Variants in DSCAM observed in about 807,000 individuals in gnomAD.
DSCAM encodes the protein cell adhesion molecule DSCAM.
A neutral mutation model predicts 217.7 loss-of-function variants in DSCAM; 47 were observed. That is an observed-to-expected ratio of 0.22 (90% CI 0.17 to 0.28). DSCAM has a LOEUF of 0.28. DSCAM is among the 10% of genes least tolerant of loss of function. DSCAM has a pLI of 1.00. For synonymous variants in DSCAM, 1,056 were observed against 1,015.3 expected, an observed-to-expected ratio of 1.04 and a Z score of -0.76; for missense variants, 2,080 against 2,618.3, an observed-to-expected ratio of 0.79 and a Z score of 4.49.
chr21:40,594,249 T>G (rs1048837921), intron 3 of DSCAM, among the ~76,000 whole-genome samples: 1 of 152,186 alleles, frequency 6.6e-6, no homozygotes, highest in Non-Finnish European at 1.5e-5. Context: ...AATAATACAC[T>G]GTGCAATAGA....
chr21:40,067,663 G>T, intron 27 of DSCAM, among the ~76,000 whole-genome samples: 1 of 150,466 alleles, frequency 6.6e-6, no homozygotes, highest in East Asian at 2.0e-4. Flanking sequence ...AAACTATCAG[G>T]GTGCTGATTA....
At chr21:40,531,407 G>C (rs966613958) in intron 3 of DSCAM, among the ~76,000 whole-genome samples, 1 of 152,112 alleles carries the variant, frequency 6.6e-6, no homozygotes, top group African/African-American at 2.4e-5. Flanking sequence ...GCTCCTGCAC[G>C]GTCCTTCTCC....
Position 40,108,866 on chromosome 21 carries a change from C to A in DSCAM, c.3697-14992G>T, listed in dbSNP as rs377257544. Among the ~76,000 whole-genome samples, 49 of 152,252 alleles carry A rather than the reference C, an allele frequency of 3.2e-4. No homozygotes were observed. In the East Asian group the frequency reaches 3.9e-3, roughly 12 times the overall value. ...GACTGCACATCTACAACTATCTAAT[C>A]TTCAACAAACCTGACAAAAACAAGC... On this transcript the variant is annotated intron_variant, in intron 20 of 32. Transcript: ENST00000400454.
rs531323338 is a variant in DSCAM, at chr21:40,686,549, A to G, written c.508+6261T>C. Among the ~76,000 whole-genome samples, 8 of 152,310 alleles carry G rather than the reference A, an allele frequency of 5.3e-5. No homozygotes were observed. In the South Asian group the frequency reaches 1.2e-3, roughly 24 times the overall value. On this transcript the variant is annotated intron_variant, in intron 3 of 32. Coordinates refer to ENST00000400454, the MANE Select transcript of DSCAM (RefSeq NM_001389.5). ...TTGTTTTCTTTTTTAAAGAAAAAATATTAACATACCTATCTCTATGTGTCT... is the reference window on the plus strand; with the variant it reads ...TTGTTTTCTTTTTTAAAGAAAAAATGTTAACATACCTATCTCTATGTGTCT...
At chr21:40,769,102 C>T (rs2091422230) in intron 1 of DSCAM, among the ~76,000 whole-genome samples, 1 of 141,428 alleles carries the variant, frequency 7.1e-6, no homozygotes, top group Admixed American at 6.9e-5. Flanking sequence ...TCATGGGGGC[C>T]CTTCCCCAAC....
intron 3 of DSCAM, among the ~76,000 whole-genome samples, chr21:40,481,297 G>A (rs1436053301): frequency 2.6e-5 from 4 of 151,950 alleles, no homozygotes; most frequent in African/African-American, 4.8e-5. Context: ...AGACCATCCC[G>A]GCTAACATGG....
intron 11 of DSCAM, among the ~76,000 whole-genome samples, chr21:40,200,756 T>C (rs1435832393): frequency 6.6e-6 from 1 of 152,174 alleles, no homozygotes; most frequent in African/African-American, 2.4e-5. Context: ...TCCTCATCTG[T>C]AAGAACAATG....
At chr21:40,266,812 ACC>A (rs138231721) in intron 11 of DSCAM, among the ~76,000 whole-genome samples, 3,659 of 142,572 alleles carry the variant, frequency 0.026, 210 homozygotes, top group East Asian at 0.18. Context: ...ACACACACAC[ACC>A]CCCACACACA....
chr21:40,299,993 C>T (rs895519054), intron 9 of DSCAM, among the ~76,000 whole-genome samples: 7 of 152,046 alleles, frequency 4.6e-5, no homozygotes, highest in Non-Finnish European at 7.4e-5. Context: ...CTCCTAGTTC[C>T]ATCCTTTGAC....
intron 10 of DSCAM, among the ~76,000 whole-genome samples, chr21:40,291,195 C>T (rs2073888038): frequency 6.6e-6 from 1 of 152,352 alleles, no homozygotes; most frequent in South Asian, 2.1e-4. Context: ...CCCTCCTCCA[C>T]TGCAGTCACC....
chr21:40,368,447 C>A (rs1450614744), intron 4 of DSCAM, among the ~76,000 whole-genome samples: 1 of 152,114 alleles, frequency 6.6e-6, no homozygotes, highest in African/African-American at 2.4e-5. Flanking sequence ...TAATTTAATT[C>A]TGACTTGTAT....
chr21:40,384,882 A>G (rs2075067198), intron 3 of DSCAM: 1 of 152,144 alleles, frequency 6.6e-6, no homozygotes, highest in African/African-American at 2.4e-5. Context: ...CATAGGCATG[A>G]CATACTCATC....
At chr21:40,445,494 A>G (rs1199060197) in intron 3 of DSCAM, among the ~76,000 whole-genome samples, 1 of 152,228 alleles carries the variant, frequency 6.6e-6, no homozygotes, top group South Asian at 2.1e-4. Context: ...CCTTTGGGGT[A>G]TCTCAGCTAT....
chr21:40,360,497 T>C (rs1040779662), intron 4 of DSCAM, among the ~76,000 whole-genome samples: 5 of 152,080 alleles, frequency 3.3e-5, no homozygotes, highest in Non-Finnish European at 4.4e-5. Context: ...ACAGTGTCTA[T>C]TGTTCCTGTA....
intron 3 of DSCAM, among the ~76,000 whole-genome samples, chr21:40,472,876 T>C (rs1038632034): frequency 1.3e-5 from 2 of 152,104 alleles, no homozygotes; most frequent in Non-Finnish European, 2.9e-5. Context: ...CATCACTGTG[T>C]GGAGAGAAAC....
intron 3 of DSCAM, among the ~76,000 whole-genome samples, chr21:40,465,256 A>G (rs1031744341): frequency 6.6e-6 from 1 of 152,084 alleles, no homozygotes; most frequent in Non-Finnish European, 1.5e-5. Flanking sequence ...TGCACGAAAC[A>G]CATGAAATGC....
At chr21:40,356,426 T>C (rs552099383) in intron 4 of DSCAM, among the ~76,000 whole-genome samples, 74 of 150,600 alleles carry the variant, frequency 4.9e-4, no homozygotes, top group African/African-American at 1.7e-3. Context: ...GTACATCACA[T>C]TGTATACCTT....
intron 27 of DSCAM, among the ~76,000 whole-genome samples, chr21:40,067,251 A>G (rs560635762): frequency 2.0e-5 from 3 of 152,358 alleles, no homozygotes; most frequent in African/African-American, 4.8e-5. Context: ...AATGCATATC[A>G]TTTTTGCACC....
intron 16 of DSCAM, among the ~76,000 whole-genome samples, chr21:40,152,516 G>A (rs981718434): frequency 6.6e-6 from 1 of 152,140 alleles, no homozygotes; most frequent in Non-Finnish European, 1.5e-5. Flanking sequence ...TAGCCTGGCA[G>A]GTTTTTTTCT....
Sources: allele counts gnomAD v4.1 joint callset (sites outside exome capture counted in the v4.1 genomes callset), GRCh38; gene constraint gnomAD v4.1.1; transcripts MANE v1.5; gene names NCBI Gene and HGNC (gene_info 2026-07-23, HGNC 2026-07-21).